Variants in CNTNAP2 observed in about 807,000 individuals in gnomAD.
CNTNAP2 encodes the protein contactin-associated protein-like 2.
Under a neutral mutation model 155.2 loss-of-function variants are expected in CNTNAP2, and 98 were observed. That is an observed-to-expected ratio of 0.63 (90% CI 0.54 to 0.75). The LOEUF (loss-of-function observed/expected upper bound fraction) is 0.75, where lower values mean the gene tolerates loss of function less well. Ranked by LOEUF, CNTNAP2 falls within the 30% of genes least tolerant of loss-of-function variation. The pLI is 0.00. For missense variants in CNTNAP2, 1,727 were observed against 1,688.1 expected, an observed-to-expected ratio of 1.02 and a Z score of -0.40; for synonymous variants, 651 against 631.2, an observed-to-expected ratio of 1.03 and a Z score of -0.47.
At chr7:146,835,603 AAAAT>A (rs1382336513) in intron 2 of CNTNAP2, among the ~76,000 whole-genome samples, 2 of 152,180 alleles carry the variant, frequency 1.3e-5, no homozygotes, top group Admixed American at 1.3e-4. Context: ...CAATAGGAAA[AAAAT>A]AACATATAAA....
chr7:148,153,047 A>AAAAT (rs869270617), intron 17 of CNTNAP2, among the ~76,000 whole-genome samples: 1 of 148,018 alleles, frequency 6.8e-6, no homozygotes, highest in African/African-American at 2.6e-5. Flanking sequence ...AAAAAAAAAA[A>AAAAT]GCTAAACTCT....
chr7:147,935,806 A>C (rs1039451880), intron 14 of CNTNAP2, among the ~76,000 whole-genome samples: 7 of 152,228 alleles, frequency 4.6e-5, no homozygotes, highest in African/African-American at 1.7e-4. Flanking sequence ...TTTATTCAAA[A>C]GTGCTTAAAA....
At chr7:146,922,851 A>G (rs1228193486) in intron 3 of CNTNAP2, among the ~76,000 whole-genome samples, 1 of 152,236 alleles carries the variant, frequency 6.6e-6, no homozygotes, top group African/African-American at 2.4e-5. Context: ...GAGATAACTC[A>G]TTAAAATATA....
At chr7:147,302,202 A>C (rs529143365) in intron 9 of CNTNAP2, among the ~76,000 whole-genome samples, 5 of 152,338 alleles carry the variant, frequency 3.3e-5, no homozygotes, top group Non-Finnish European at 5.9e-5. Context: ...ATGATCACAA[A>C]TAGATCACAG....
chr7:147,314,380 T>C, intron 9 of CNTNAP2, among the ~76,000 whole-genome samples: 1 of 152,200 alleles, frequency 6.6e-6, no homozygotes, highest in East Asian at 1.9e-4. Flanking sequence ...CAAGCCTCTC[T>C]GACATCTAGA....
chr7:148,118,704 G>A (rs1435339872), intron 16 of CNTNAP2, among the ~76,000 whole-genome samples: 1 of 152,160 alleles, frequency 6.6e-6, no homozygotes, highest in African/African-American at 2.4e-5. Context: ...ATGATAACTA[G>A]TGACATCCGT....
chr7:146,623,479 G>A (rs1445427213), intron 1 of CNTNAP2, among the ~76,000 whole-genome samples: 1 of 152,128 alleles, frequency 6.6e-6, no homozygotes, highest in Non-Finnish European at 1.5e-5. Context: ...CCTCTCTGTA[G>A]TTTTGTCTGT....
intron 4 of CNTNAP2, among the ~76,000 whole-genome samples, chr7:147,071,372 G>T (rs1161142271): frequency 1.3e-5 from 2 of 151,140 alleles, no homozygotes; most frequent in Non-Finnish European, 2.9e-5. Context: ...TACTCTGTGG[G>T]AACAGCAGCA....
intron 1 of CNTNAP2, among the ~76,000 whole-genome samples, chr7:146,188,624 A>G (rs1044381716): frequency 1.3e-5 from 2 of 152,208 alleles, no homozygotes. Context: ...TGTCAAAGTA[A>G]TATGTCATTT....
chr7:148,031,174 TG>T (rs1267430874), intron 15 of CNTNAP2, among the ~76,000 whole-genome samples: 1 of 152,150 alleles, frequency 6.6e-6, no homozygotes. Context: ...ACTGAGAGAC[TG>T]GGGCCCTCCC....
intron 9 of CNTNAP2, among the ~76,000 whole-genome samples, chr7:147,311,722 C>A (rs974448164): frequency 2.6e-5 from 4 of 151,866 alleles, no homozygotes; most frequent in African/African-American, 9.7e-5. Context: ...TTTTCCCCAA[C>A]AAAGTTGATA....
At chr7:148,113,647 C>G (rs1804403460) in intron 15 of CNTNAP2, among the ~76,000 whole-genome samples, 1 of 152,214 alleles carries the variant, frequency 6.6e-6, no homozygotes, top group Non-Finnish European at 1.5e-5. Flanking sequence ...GACCAGCAAG[C>G]CTGCTTTGCA....
intron 16 of CNTNAP2, among the ~76,000 whole-genome samples, chr7:148,135,550 G>A (rs558462078): frequency 3.9e-5 from 6 of 152,108 alleles, no homozygotes; most frequent in East Asian, 1.9e-4. Context: ...CAGCTCAAAT[G>A]ATGAAAGTGG....
rs117709926 is a variant in CNTNAP2 at position 146,972,840 on chromosome 7, T to C, written c.403-71067T>C. 6.6e-5 allele frequency among the ~76,000 whole-genome samples: 10 copies of C among 152,292 alleles called. No individual in the cohort carries two copies. The East Asian group carries it at 1.9e-3, about 29-fold the overall frequency. On this transcript the variant is annotated intron_variant, in intron 3 of 23. Coordinates refer to ENST00000361727, the MANE Select transcript of CNTNAP2 (RefSeq NM_014141.6). ...AGAGAAAAACTGATTTGGTTGATTT[T>C]CCTGGCTCATCAGTTTTGAGGTTAT... is the stretch of plus-strand genomic sequence containing the variant.
intron 13 of CNTNAP2, among the ~76,000 whole-genome samples, chr7:147,692,097 A>T (rs1445607324): frequency 2.6e-5 from 4 of 152,138 alleles, no homozygotes; most frequent in Admixed American, 6.6e-5. Flanking sequence ...AATGTCATAT[A>T]GTCTGAATCA....
intron 21 of CNTNAP2, among the ~76,000 whole-genome samples, chr7:148,325,722 A>G (rs1301761220): frequency 6.6e-6 from 1 of 152,208 alleles, no homozygotes; most frequent in Admixed American, 6.5e-5. Context: ...ATCTGCTAGC[A>G]CATAGCAGAA....
chr7:148,367,720 G>A (rs1010233337), intron 21 of CNTNAP2, among the ~76,000 whole-genome samples: 2 of 152,128 alleles, frequency 1.3e-5, no homozygotes, highest in South Asian at 2.1e-4. Flanking sequence ...TTTTAGAGGC[G>A]AGATTAATGC....
intron 23 of CNTNAP2, among the ~76,000 whole-genome samples, chr7:148,414,464 G>A (rs966113355): frequency 2.7e-5 from 4 of 150,084 alleles, no homozygotes; most frequent in African/African-American, 9.9e-5. Context: ...TTAAACCCCT[G>A]TGCAGGTTTC....
chr7:147,609,279 C>G (rs1483822791), intron 12 of CNTNAP2, among the ~76,000 whole-genome samples: 1 of 152,108 alleles, frequency 6.6e-6, no homozygotes, highest in African/African-American at 2.4e-5. Context: ...CGCCTGTAAT[C>G]CCAGCACTTT....
Sources: allele counts gnomAD v4.1 joint callset (sites outside exome capture counted in the v4.1 genomes callset), GRCh38; gene constraint gnomAD v4.1.1; transcripts MANE v1.5; gene names NCBI Gene and HGNC (gene_info 2026-07-23, HGNC 2026-07-21).